PARP8: variants seen among roughly 807,000 people sequenced by gnomAD.
PARP8 encodes the protein poly(ADP-ribose) polymerase family member 8.
Under a neutral mutation model 124.1 loss-of-function variants are expected in PARP8, and 51 were observed. The observed-to-expected ratio is 0.41, with a 90% confidence interval of 0.33 to 0.52. The LOEUF is 0.52. Among genes scored for constraint, PARP8 ranks in the 20% least tolerant of loss-of-function variants. The pLI is 0.21. For synonymous variants in PARP8, 391 were observed against 361.5 expected, an observed-to-expected ratio of 1.08 and a Z score of -0.93; for missense variants, 860 against 1,018.9, an observed-to-expected ratio of 0.84 and a Z score of 2.12.
At chr5:50,765,062 G>A (rs1175655191) in intron 7 of PARP8, among the ~76,000 whole-genome samples, 45 of 151,886 alleles carry the variant, frequency 3.0e-4, no homozygotes, top group Non-Finnish European at 4.6e-4. Context: ...GGGAGTTTGA[G>A]ACCAGCCTGC....
chr5:50,820,881 T>C (rs1272389193), intron 15 of PARP8, among the ~76,000 whole-genome samples: 1 of 152,242 alleles, frequency 6.6e-6, no homozygotes, highest in Non-Finnish European at 1.5e-5. Context: ...ATTGTGTATC[T>C]TCTCCCCTAG....
intron 2 of PARP8, among the ~76,000 whole-genome samples, chr5:50,685,058 C>T (rs1751705593): frequency 6.6e-6 from 1 of 152,034 alleles, no homozygotes; most frequent in South Asian, 2.1e-4. Context: ...CCTGATCATT[C>T]TCTTTGCATT....
At chr5:50,759,266 T>C (rs749248460) in intron 3 of PARP8, among the ~76,000 whole-genome samples, 4 of 152,040 alleles carry the variant, frequency 2.6e-5, no homozygotes, top group African/African-American at 4.8e-5. Flanking sequence ...TTTTCAGTTT[T>C]CTCTCTCCAC....
intron 2 of PARP8, among the ~76,000 whole-genome samples, chr5:50,749,595 A>G (rs533668335): frequency 6.6e-5 from 10 of 152,252 alleles, no homozygotes; most frequent in South Asian, 2.1e-4. Context: ...CCTTATGAAA[A>G]TAGAATAAAG....
rs1459219823 is a variant in PARP8, at chr5:50,844,166, A to G, written c.*2098A>G. 6.6e-6 allele frequency: 1 copy of G among 151,880 alleles called. No homozygotes were observed. Among genetic ancestry groups the G allele is most frequent in the Non-Finnish European group, 1.5e-5 (1 of 67,862 alleles). The allele number at this position is 151,880 out of a possible 1,614,324, so 9.4% of individuals were successfully genotyped here. A position where few individuals can be genotyped will look rare whatever the true frequency, so the allele number is the denominator to read the frequency against. On this transcript the variant is annotated 3_prime_UTR_variant, in exon 26 of 26. Coordinates refer to ENST00000281631, the MANE Select transcript of PARP8 (RefSeq NM_024615.4). Reference sequence around the variant, plus strand: ...TTCCTGTTGACTTAAGAATAACAGTAGGTTCACCTATCTGAGGAAATTAAG... The same window carrying G: ...TTCCTGTTGACTTAAGAATAACAGTGGGTTCACCTATCTGAGGAAATTAAG...
chr5:50,779,439 G>A (rs753232421), intron 9 of PARP8, among the ~76,000 whole-genome samples: 19 of 152,158 alleles, frequency 1.2e-4, no homozygotes, highest in Non-Finnish European at 2.5e-4. Flanking sequence ...AATGCTGGAC[G>A]TTCAAATGGC....
chr5:50,672,934 GCCCACT>G (rs1750202729), intron 2 of PARP8, among the ~76,000 whole-genome samples: 1 of 152,132 alleles, frequency 6.6e-6, no homozygotes, highest in African/African-American at 2.4e-5. Context: ...GATCAGACGT[GCCCACT>G]CCAGAAATCT....
chr5:50,743,326 C>T (rs1758239588), intron 2 of PARP8, among the ~76,000 whole-genome samples: 1 of 151,930 alleles, frequency 6.6e-6, no homozygotes, highest in South Asian at 2.1e-4. Context: ...GATTGACCTG[C>T]ACAATTTGAA....
At chr5:50,835,314 G>A (rs1394395841) in intron 25 of PARP8, among the ~76,000 whole-genome samples, 2 of 152,130 alleles carry the variant, frequency 1.3e-5, no homozygotes, top group East Asian at 1.9e-4. Flanking sequence ...AAGCCGAGGC[G>A]GGTGGATCAC....
intron 14 of PARP8, among the ~76,000 whole-genome samples, chr5:50,797,791 GA>G (rs1008992372): frequency 7.2e-5 from 11 of 152,260 alleles, no homozygotes; most frequent in African/African-American, 2.2e-4. Flanking sequence ...ATTTTAAAAT[GA>G]TTTTTTTTGG....
chr5:50,728,953 CT>C (rs1756704398), intron 2 of PARP8, among the ~76,000 whole-genome samples: 1 of 151,974 alleles, frequency 6.6e-6, no homozygotes, highest in Non-Finnish European at 1.5e-5. Context: ...AAAAAGGCAA[CT>C]TATTATCTAA....
chr5:50,801,341 C>T (rs1249847029), intron 14 of PARP8, among the ~76,000 whole-genome samples: 27 of 152,172 alleles, frequency 1.8e-4, no homozygotes, highest in Admixed American at 5.9e-4. Context: ...TCAGGTGATC[C>T]GCCCACCTCG....
chr5:50,717,730 CAA>C (rs1755468155), intron 2 of PARP8, among the ~76,000 whole-genome samples: 1 of 151,894 alleles, frequency 6.6e-6, no homozygotes, highest in Non-Finnish European at 1.5e-5. Flanking sequence ...TAGAAGCCAA[CAA>C]AAGTGTTTTG....
chr5:50,751,723 C>T (rs1244944420), intron 3 of PARP8, among the ~76,000 whole-genome samples: 1 of 152,102 alleles, frequency 6.6e-6, no homozygotes, highest in East Asian at 1.9e-4. Flanking sequence ...TATTAAATAA[C>T]ATTTTCCCAA....
At chr5:50,794,739 A>G (rs1742335955) in intron 11 of PARP8, 114 bp from the exon 12 acceptor site, 3 of 949,628 alleles carry the variant, frequency 3.2e-6, no homozygotes, top group Non-Finnish European at 4.7e-6. Context: ...AGGCTATATT[A>G]AAATGAGGTG....
chr5:50,776,528 A>G (rs1379377851), intron 7 of PARP8, among the ~76,000 whole-genome samples: 2 of 152,204 alleles, frequency 1.3e-5, no homozygotes, highest in Non-Finnish European at 2.9e-5. Context: ...AATCATTTTT[A>G]TCCCTTTATG....
intron 2 of PARP8, among the ~76,000 whole-genome samples, chr5:50,708,359 A>G (rs756714527): frequency 6.6e-6 from 1 of 152,124 alleles, no homozygotes; most frequent in Non-Finnish European, 1.5e-5. Context: ...TTACTGAAAC[A>G]TAGCACTCTT....
chr5:50,718,930 C>G (rs1755596173), intron 2 of PARP8, among the ~76,000 whole-genome samples: 1 of 152,130 alleles, frequency 6.6e-6, no homozygotes, highest in Non-Finnish European at 1.5e-5. Context: ...TTCCCACCAA[C>G]AATGTACCAG....
Position 50,760,293 on chromosome 5 carries a change from A to T in PARP8, c.276A>T (p.Glu92Asp). 1 of 1,505,848 alleles carries T rather than the reference A, an allele frequency of 6.6e-7. No individual in the cohort carries two copies. Among genetic ancestry groups the T allele is most frequent in the Middle Eastern group, 1.8e-4 (1 of 5,572 alleles). The allele number at this position is 1,505,848 out of a possible 1,614,324, so 93.3% of individuals were successfully genotyped here. A position where few individuals can be genotyped will look rare whatever the true frequency, so the allele number is the denominator to read the frequency against. ...TTTTAAATTACAACTTTCTTTCAGA[A>T]TTAAGAAAAACAAATGACATTAACT... ...IPVIFHRIATELRKTNDINCC... is the reference protein window; with the variant it reads ...IPVIFHRIATDLRKTNDINCC... Residue 92 changes from glutamate (E) to aspartate (D), a missense_variant and splice_region_variant, in exon 5 of 26, where the codon GAA becomes GAT. By Grantham distance (45) the Glu-to-Asp change is conservative. Coordinates refer to ENST00000281631, the MANE Select transcript of PARP8 (RefSeq NM_024615.4).
Sources: gnomAD v4.1 joint callset for allele counts (sites outside exome capture counted in the v4.1 genomes callset) on GRCh38, gnomAD v4.1.1 for gene constraint, MANE v1.5 for transcripts, NCBI Gene and HGNC (gene_info 2026-07-23, HGNC 2026-07-21) for gene names.